The following HES7 variants were observed in gnomAD, a reference collection of about 807,000 sequenced individuals.
The protein encoded by HES7 is transcription factor HES-7.
HES7 carries 8 observed loss-of-function variants against 18.0 expected under a neutral mutation model. The observed-to-expected ratio is 0.45, with a 90% CI of 0.26 to 0.80. HES7 has a LOEUF of 0.80. Ranked by LOEUF, HES7 falls within the 30% of genes least tolerant of loss-of-function variation. The pLI, the probability that HES7 is intolerant of heterozygous loss-of-function variation, is 0.18. For synonymous variants in HES7, 170 were observed against 158.6 expected (o/e 1.07, Z -0.54); for missense variants, 356 against 340.9 (o/e 1.04, Z -0.35).
chr17:8,123,332 T>C lies in HES7; in HGVS notation c.43-206A>G, dbSNP rs1176865946. The C allele has an allele frequency of 8.3e-6, 5 of 603,948 alleles. No individual in the cohort carries two copies. In the South Asian group the frequency reaches 9.5e-5, roughly 11 times the overall value. 37.4% of individuals were successfully genotyped at this position (603,948 alleles called of 1,614,324 possible). A position where few individuals can be genotyped will look rare whatever the true frequency, so the allele number is the denominator to read the frequency against. ...TTCTGTAGCTCGCCTCCCCGGATCTTCGCATTCTCCTCTCTCAGTCTCGTC... is the reference window on the plus strand; with the variant it reads ...TTCTGTAGCTCGCCTCCCCGGATCTCCGCATTCTCCTCTCTCAGTCTCGTC... On this transcript the variant is annotated intron_variant, in intron 1 of 3. Coordinates refer to ENST00000541682, the MANE Select transcript of HES7 (RefSeq NM_001165967.2). The surrounding 1 kb of genome is among the most constrained non-coding windows in gnomAD (Gnocchi z 5.9).
chr17:8,122,508 G>A lies in HES7; in HGVS notation c.139-78C>T. 2 of 1,009,330 alleles carry A rather than the reference G, an allele frequency of 2.0e-6. No homozygotes were observed. The highest frequency in any genetic ancestry group is 1.4e-5 in the South Asian group (1 of 70,996). 62.5% of individuals were successfully genotyped at this position (1,009,330 alleles called of 1,614,324 possible). ...GAAAGTGGCAGGGGGAAGAAGGGAG[G>A]GACGGATGCGGGAGCTGGTGGTGCC... On this transcript the variant is annotated intron_variant, in intron 2 of 3. Coordinates refer to ENST00000541682, the MANE Select transcript of HES7 (RefSeq NM_001165967.2). This position sits in a 1 kb window ranked among gnomAD's most constrained non-coding sequence, Gnocchi z 6.9.
At position 8,122,451 on chromosome 17, in the gene HES7, C is replaced by T; in HGVS notation, c.139-21G>A. The T allele has an allele frequency of 6.5e-7, 1 of 1,527,620 alleles. No homozygotes were observed. The highest frequency in any genetic ancestry group is 8.9e-7 in the Non-Finnish European group (1 of 1,122,626). 94.6% of individuals were successfully genotyped at this position (1,527,620 alleles called of 1,614,324 possible). A position where few individuals can be genotyped will look rare whatever the true frequency, so the allele number is the denominator to read the frequency against. ...AGGTTCTACAGACGGGAGGGGAGGG[C>T]GCAGAGACAGAAAGGGGTGGGGAGA... On this transcript the variant is annotated intron_variant, in intron 2 of 3. Coordinates refer to ENST00000541682, the MANE Select transcript of HES7 (RefSeq NM_001165967.2). The surrounding 1 kb of genome is among the most constrained non-coding windows in gnomAD (Gnocchi z 6.9).
chr17:8,125,106 C>T (rs1370834054), upstream of HES7, among the ~76,000 whole-genome samples: 1 of 152,128 alleles, frequency 6.6e-6, no homozygotes, highest in Non-Finnish European at 1.5e-5. Flanking sequence ...AAGAGCATGA[C>T]CCTCCGCAGA....
At chr17:8,124,884 G>C (rs996340257), upstream of HES7, among the ~76,000 whole-genome samples, 2 of 152,174 alleles carry the variant, frequency 1.3e-5, no homozygotes, top group African/African-American at 4.8e-5. Context: ...ACATAGGTAT[G>C]AGTGGAGAGG....
chr17:8,122,477 A>C lies in HES7; in HGVS notation c.139-47T>G. On this transcript the variant is annotated intron_variant, in intron 2 of 3. Coordinates refer to ENST00000541682, the MANE Select transcript of HES7 (RefSeq NM_001165967.2). The surrounding 1 kb of genome is among the most constrained non-coding windows in gnomAD (Gnocchi z 6.9). ...GCAGAGACAGAAAGGGGTGGGGAGA[A>C]AGGGGGAAAGTGGCAGGGGGAAGAA... 2 of 1,325,428 alleles carry C rather than the reference A, an allele frequency of 1.5e-6. No homozygotes were observed. Among genetic ancestry groups the C allele is most frequent in the Non-Finnish European group, 2.1e-6 (2 of 941,900 alleles). The allele number at this position is 1,325,428 out of a possible 1,614,324, so 82.1% of individuals were successfully genotyped here.
chr17:8,121,671 A>T lies in HES7; in HGVS notation c.593T>A (p.Leu198His), dbSNP rs1161865297. The T allele has an allele frequency of 8.3e-6, 11 of 1,325,908 alleles. No individual in the cohort carries two copies. Among genetic ancestry groups the T allele is most frequent in the Non-Finnish European group, 9.6e-6 (10 of 1,044,848 alleles). 82.1% of individuals were successfully genotyped at this position (1,325,908 alleles called of 1,614,324 possible). A position where few individuals can be genotyped will look rare whatever the true frequency, so the allele number is the denominator to read the frequency against. The change falls in exon 4 of 4, where the codon CTC becomes CAC. Residue 198 changes from leucine to histidine, a missense_variant. Coordinates refer to ENST00000541682, the MANE Select transcript of HES7 (RefSeq NM_001165967.2). ...CGGTGGCGGCGGCAGCAGTCCGGTG[A>T]GGGGCGCCGGCGCGCCAGAATCCCC... ...RAGDSGAPAP[L>H]TGLLPPPPPP...
chr17:8,123,970 A>T lies in HES7; in HGVS notation c.42+73T>A. ...ACCCCTGCGTCCCCAGCCTCTCTCC[A>T]GACCGACGGCGTCAGGGGCCCAGTC... On this transcript the variant is annotated intron_variant, in intron 1 of 3. Transcript: ENST00000541682. The surrounding 1 kb of genome is among the most constrained non-coding windows in gnomAD (Gnocchi z 5.9). The T allele has an allele frequency of 1.3e-6, 2 of 1,553,578 alleles. No individual in the cohort carries two copies. Among genetic ancestry groups the T allele is most frequent in the South Asian group, 2.2e-5 (2 of 89,186 alleles).
Position 8,122,089 on chromosome 17 carries a change from T to TGAGGGAAGGGGC in HES7, c.227-64_227-53dup, listed in dbSNP as rs1182408500. The TGAGGGAAGGGGC allele has an allele frequency of 7.1e-7, 1 of 1,407,570 alleles. No homozygotes were observed. The highest frequency in any genetic ancestry group is 1.5e-5 in the African/African-American group (1 of 65,234). 87.2% of individuals were successfully genotyped at this position (1,407,570 alleles called of 1,614,324 possible). On this transcript the variant is annotated intron_variant, in intron 3 of 3. Transcript: ENST00000541682. This position sits in a 1 kb window ranked among gnomAD's most constrained non-coding sequence, Gnocchi z 6.9. ...GGGCAGGGCAGGGGCCCGGCAGGGGTGAGGGAAGGGGCGGGGCGCAGAGAT... is the reference window on the plus strand; with the variant it reads ...GGGCAGGGCAGGGGCCCGGCAGGGGTGAGGGAAGGGGCGAGGGAAGGGGCGGGGCGCAGAGAT...
upstream of HES7, chr17:8,124,198 T>C (rs557967918): frequency 7.6e-7 from 1 of 1,318,124 alleles, no homozygotes; most frequent in Non-Finnish European, 1.1e-6. Flanking sequence ...ATCCAGATTC[T>C]GCCCCTCTAG....
At position 8,121,770 on chromosome 17, in the gene HES7, T is replaced by A; in HGVS notation, c.494A>T (p.Gln165Leu). 6.6e-7 allele frequency: 1 copy of A among 1,518,968 alleles called. No individual in the cohort carries two copies. The highest frequency in any genetic ancestry group is 8.7e-7 in the Non-Finnish European group (1 of 1,146,252). The allele number at this position is 1,518,968 out of a possible 1,614,324, so 94.1% of individuals were successfully genotyped here. Reference sequence around the variant, plus strand: ...GTGGCCCTGGTGCACTGGGGGGCGCTGGTGCAGCGCAGGGCCAAGGGCCGG... The same window carrying A: ...GTGGCCCTGGTGCACTGGGGGGCGCAGGTGCAGCGCAGGGCCAAGGGCCGG... ...AAPALGPALH[Q>L]RPPVHQGHPS... The change falls in exon 4 of 4, where the codon CAG becomes CTG. Residue 165 changes from glutamine to leucine, a missense_variant. Physicochemically the swap from Gln to Leu is moderately radical, Grantham distance 113. Transcript: ENST00000541682.
In HES7 at chr17:8,121,597, G is replaced by A. The variant is rs1981323942; in HGVS notation, c.667C>T (p.Pro223Ser). The A allele has an allele frequency of 1.5e-6, 2 of 1,312,006 alleles. No individual in the cohort carries two copies. Among genetic ancestry groups the A allele is most frequent in the Admixed American group, 8.3e-5 (2 of 24,100 alleles). 81.3% of individuals were successfully genotyped at this position (1,312,006 alleles called of 1,614,324 possible). A position where few individuals can be genotyped will look rare whatever the true frequency, so the allele number is the denominator to read the frequency against. ...CAGGGCCAAGGTCTCCAGAAAGCGG[G>A]CGGCGGGGGCAGCGGGGCCTTGGGC... ...GAPKAPLPPP[P>S]AFWRPWP The change falls in exon 4 of 4, where the codon CCC (proline) becomes TCC (serine). Residue 223 changes from proline to serine, a missense_variant. Transcript: ENST00000541682.
rs778047084 is a variant in HES7 at position 8,123,050 on chromosome 17, A to G, written c.119T>C (p.Leu40Pro). 1.6e-5 allele frequency: 25 copies of G among 1,600,728 alleles called. No homozygotes were observed. Among genetic ancestry groups the G allele is most frequent in the Non-Finnish European group, 2.0e-5 (24 of 1,173,582 alleles). The change falls in exon 2 of 4, where the codon CTG becomes CCG. Residue 40 changes from leucine to proline, a missense_variant. Physicochemically the swap from Leu to Pro is moderately conservative, Grantham distance 98. Transcript: ENST00000541682. The surrounding 1 kb of genome is among the most constrained non-coding windows in gnomAD (Gnocchi z 5.9). ...ACTGACCTGGTCCCGGGTCCGCTCC[A>G]GCAGCAGCAGCCTCAGCTCTTCCAG... ...RSLEELRLLL[L>P]ERTRDQNLRN...
Position 8,123,996 on chromosome 17 carries a change from C to G in HES7, c.42+47G>C, listed in dbSNP as rs1221293281. On this transcript the variant is annotated intron_variant, in intron 1 of 3. Coordinates refer to ENST00000541682, the MANE Select transcript of HES7 (RefSeq NM_001165967.2). The surrounding 1 kb of genome is among the most constrained non-coding windows in gnomAD (Gnocchi z 5.9). ...GACCGACGGCGTCAGGGGCCCAGTC[C>G]CCTAGCCAAACCAGGGACCTCTGCT... 1 of 1,609,058 alleles carries G rather than the reference C, an allele frequency of 6.2e-7. No individual in the cohort carries two copies. Among genetic ancestry groups the G allele is most frequent in the Non-Finnish European group, 8.5e-7 (1 of 1,176,442 alleles).
rs1437571794 is a variant in HES7 at position 8,122,008 on chromosome 17, G to C, written c.256C>G (p.Pro86Ala). ...GCGAGCGCCTCGGCGTCCTGGACTG[G>C]GGACCGGGGAACCCCTGGAGCCGCG... ...AAAAPGVPRS[P>A]VQDAEALASC... Residue 86 changes from proline (P) to alanine (A), a missense_variant, in exon 4 of 4, where the codon CCA becomes GCA. Coordinates refer to ENST00000541682, the MANE Select transcript of HES7 (RefSeq NM_001165967.2). This position sits in a 1 kb window ranked among gnomAD's most constrained non-coding sequence, Gnocchi z 6.9. The C allele has an allele frequency of 3.9e-6, 6 of 1,525,314 alleles. No individual in the cohort carries two copies. In the African/African-American group the frequency reaches 8.5e-5, roughly 22 times the overall value. The allele number at this position is 1,525,314 out of a possible 1,614,324, so 94.5% of individuals were successfully genotyped here.
At chr17:8,125,759 A>G (rs539004104), upstream of HES7, among the ~76,000 whole-genome samples, 8 of 152,334 alleles carry the variant, frequency 5.3e-5, no homozygotes, top group South Asian at 2.1e-4. Flanking sequence ...TTGGTGGTTC[A>G]GTGGTAGAAT....
At chr17:8,125,769 T>G (rs377519668), upstream of HES7, among the ~76,000 whole-genome samples, 9 of 152,318 alleles carry the variant, frequency 5.9e-5, no homozygotes, top group East Asian at 3.9e-4. Context: ...AGTGGTAGAA[T>G]TCTCGCCTGC....
chr17:8,125,530 G>C (rs1346920510), upstream of HES7, among the ~76,000 whole-genome samples: 1 of 152,190 alleles, frequency 6.6e-6, no homozygotes, highest in African/African-American at 2.4e-5. Context: ...GAGGCTGGGG[G>C]CCCCCGGCTG....
chr17:8,121,763 G>A lies in HES7; in HGVS notation c.501C>T (p.Pro167=), dbSNP rs1232154378. Reference sequence around the variant, plus strand: ...GGCTAGGGTGGCCCTGGTGCACTGGGGGGCGCTGGTGCAGCGCAGGGCCAA... The same window carrying A: ...GGCTAGGGTGGCCCTGGTGCACTGGAGGGCGCTGGTGCAGCGCAGGGCCAA... ...PALGPALHQR[P]PVHQGHPSPR... Residue 167 remains proline, a synonymous_variant, in exon 4 of 4, where the codon CCC becomes CCT. Transcript: ENST00000541682. The A allele has an allele frequency of 1.3e-6, 2 of 1,508,720 alleles. No individual in the cohort carries two copies. The highest frequency in any genetic ancestry group is 2.4e-4 in the Middle Eastern group (1 of 4,216). 93.5% of individuals were successfully genotyped at this position (1,508,720 alleles called of 1,614,324 possible). A position where few individuals can be genotyped will look rare whatever the true frequency, so the allele number is the denominator to read the frequency against.
Position 8,121,247 on chromosome 17 carries a change from T to G in HES7, c.*324A>C, listed in dbSNP as rs1417538373. 4.3e-6 allele frequency: 1 copy of G among 234,538 alleles called. No individual in the cohort carries two copies. Among genetic ancestry groups the G allele is most frequent in the African/African-American group, 2.3e-5 (1 of 44,344 alleles). The allele number at this position is 234,538 out of a possible 1,614,324, so 14.5% of individuals were successfully genotyped here. On this transcript the variant is annotated 3_prime_UTR_variant, in exon 4 of 4. Coordinates refer to ENST00000541682, the MANE Select transcript of HES7 (RefSeq NM_001165967.2). The stretch of plus-strand genomic sequence containing the variant: ...GGACGTCGAGATAAAGGCAGGCCCC[T>G]GGCTCGGGGACACACGGGGATTTAA...
Sources: allele counts gnomAD v4.1 joint callset (sites outside exome capture counted in the v4.1 genomes callset), GRCh38; gene constraint gnomAD v4.1.1; non-coding constraint Gnocchi (gnomAD v3.1); transcripts MANE v1.5; gene names NCBI Gene and HGNC (gene_info 2026-07-23, HGNC 2026-07-21).